Variants in CCDC7 observed in about 807,000 individuals in gnomAD.
CCDC7 encodes coiled-coil domain containing 7, also known as coiled-coil domain-containing protein 7.
A neutral mutation model predicts 196.9 loss-of-function variants in CCDC7; 183 were observed. That is an observed-to-expected ratio of 0.93 (90% confidence interval 0.82 to 1.05). CCDC7 has a LOEUF of 1.05. Ranked by LOEUF, CCDC7 falls within the 50% of genes least tolerant of loss-of-function variation. The probability of loss-of-function intolerance (pLI) is 0.00; values close to 1 mark genes in which losing one functional copy is unlikely to be tolerated. For synonymous variants in CCDC7, 525 were observed against 484.6 expected, an observed-to-expected ratio of 1.08 and a Z score of -1.10; for missense variants, 1,540 against 1,482.2, an observed-to-expected ratio of 1.04 and a Z score of -0.64.
At chr10:32,461,188 A>C (rs1486692987) in intron 3 of CCDC7, among the ~76,000 whole-genome samples, 1 of 152,172 alleles carries the variant, frequency 6.6e-6, no homozygotes, top group East Asian at 1.9e-4. Flanking sequence ...AGGGAGTTAC[A>C]TACTGATAAA....
intron 25 of CCDC7, among the ~76,000 whole-genome samples, chr10:32,725,171 G>T (rs949339799): frequency 1.3e-4 from 20 of 152,000 alleles, no homozygotes; most frequent in Non-Finnish European, 2.6e-4. Flanking sequence ...GCTTGTTCTT[G>T]ATTTCCTTCA....
At chr10:32,657,174 C>T (rs934189638) in intron 20 of CCDC7, among the ~76,000 whole-genome samples, 3 of 152,214 alleles carry the variant, frequency 2.0e-5, no homozygotes, top group African/African-American at 7.2e-5. Flanking sequence ...TCCAGCTTTT[C>T]CAGGCACATG....
At chr10:32,678,475 C>G (rs2140970896) in intron 21 of CCDC7, among the ~76,000 whole-genome samples, 1 of 152,234 alleles carries the variant, frequency 6.6e-6, no homozygotes, top group South Asian at 2.1e-4. Flanking sequence ...AGTGTTGGCT[C>G]TCAGGGTTTG....
At chr10:32,605,937 T>C (rs2061517684) in intron 18 of CCDC7, among the ~76,000 whole-genome samples, 1 of 152,188 alleles carries the variant, frequency 6.6e-6, no homozygotes, top group Admixed American at 6.5e-5. Flanking sequence ...AGCCAGGTGC[T>C]CATAGCCAAG....
At chr10:32,443,912 G>C (rs985131707), upstream of CCDC7, among the ~76,000 whole-genome samples, 1 of 152,002 alleles carries the variant, frequency 6.6e-6, no homozygotes, top group Non-Finnish European at 1.5e-5. Flanking sequence ...TGACATTTTA[G>C]CAATATTGGG....
At chr10:32,772,300 G>C (rs1240066346) in intron 28 of CCDC7, among the ~76,000 whole-genome samples, 4 of 152,160 alleles carry the variant, frequency 2.6e-5, no homozygotes, top group Non-Finnish European at 5.9e-5. Flanking sequence ...CCACTCATTT[G>C]GTGAGGCAGA....
chr10:32,507,133 C>A (rs778806198), intron 9 of CCDC7, among the ~76,000 whole-genome samples: 4 of 151,932 alleles, frequency 2.6e-5, no homozygotes, highest in Non-Finnish European at 5.9e-5. Context: ...GCTGGGACTA[C>A]AAGTGCGCGC....
chr10:32,817,226 A>G (rs904284300), intron 31 of CCDC7, among the ~76,000 whole-genome samples: 7 of 152,178 alleles, frequency 4.6e-5, no homozygotes, highest in Non-Finnish European at 8.8e-5. Context: ...CAACTGGAAG[A>G]GGGGGTATCA....
At chr10:32,537,048 C>A (rs2050625105) in intron 11 of CCDC7, among the ~76,000 whole-genome samples, 1 of 152,034 alleles carries the variant, frequency 6.6e-6, no homozygotes, top group African/African-American at 2.4e-5. Context: ...AATAGTTATT[C>A]TTTTTTAAGT....
chr10:32,876,026 T>C (rs529078244), intron 41 of CCDC7, among the ~76,000 whole-genome samples: 1 of 152,094 alleles, frequency 6.6e-6, no homozygotes, highest in South Asian at 2.1e-4. Context: ...GAAATGCAGT[T>C]TCTTAGGCCG....
intron 13 of CCDC7, among the ~76,000 whole-genome samples, chr10:32,561,309 A>G (rs184305927): frequency 1.2e-4 from 18 of 152,330 alleles, no homozygotes; most frequent in Non-Finnish European, 2.2e-4. Flanking sequence ...CCTAATAGAC[A>G]TCTACAGAAC....
intron 11 of CCDC7, among the ~76,000 whole-genome samples, chr10:32,537,190 C>T (rs1461400830): frequency 6.6e-6 from 1 of 152,124 alleles, no homozygotes; most frequent in Non-Finnish European, 1.5e-5. Flanking sequence ...TAATAATTGG[C>T]ATTCTGACTG....
intron 28 of CCDC7, among the ~76,000 whole-genome samples, chr10:32,747,804 T>C (rs540679014): frequency 1.2e-4 from 19 of 152,276 alleles, no homozygotes; most frequent in South Asian, 2.1e-4. Flanking sequence ...AGTTTAGAGA[T>C]TGGTTCTCAA....
chr10:32,561,879 A>T (rs1177855533), intron 13 of CCDC7, among the ~76,000 whole-genome samples: 1 of 152,208 alleles, frequency 6.6e-6, no homozygotes, highest in Non-Finnish European at 1.5e-5. Flanking sequence ...TTTTGAAAGG[A>T]TCAACAAAAT....
intron 41 of CCDC7, among the ~76,000 whole-genome samples, chr10:32,860,342 G>T (rs1593539183): frequency 6.6e-6 from 1 of 152,088 alleles, no homozygotes; most frequent in East Asian, 1.9e-4. Flanking sequence ...ATGCCGAAAA[G>T]GCCTTTGACA....
At chr10:32,582,255 T>C (rs2058825369) in intron 16 of CCDC7, among the ~76,000 whole-genome samples, 1 of 151,452 alleles carries the variant, frequency 6.6e-6, no homozygotes, top group South Asian at 2.1e-4. Flanking sequence ...GTAGGTACAT[T>C]GAAAAATTTT....
intron 8 of CCDC7, among the ~76,000 whole-genome samples, chr10:32,488,105 G>C (rs1420880108): frequency 6.6e-6 from 1 of 152,216 alleles, no homozygotes; most frequent in Non-Finnish European, 1.5e-5. Flanking sequence ...GAGGCAGACA[G>C]GCCTCCTTGA....
exon 22 of CCDC7, chr10:32,686,073 A>T (rs1374100770): frequency 1.4e-6 from 2 of 1,405,114 alleles, no homozygotes; most frequent in Non-Finnish European, 2.0e-6. Context: ...CAGAGCAACC[A>T]CTCACCAGTA....
intron 20 of CCDC7, among the ~76,000 whole-genome samples, chr10:32,651,635 A>G (rs2068779180): frequency 6.6e-6 from 1 of 152,030 alleles, no homozygotes; most frequent in Admixed American, 6.5e-5. Flanking sequence ...AGGGTGAGAG[A>G]GCTTATCACA....
Sources: allele counts gnomAD v4.1 joint callset (sites outside exome capture counted in the v4.1 genomes callset), GRCh38; gene constraint gnomAD v4.1.1; transcripts MANE v1.5; gene names NCBI Gene and HGNC (gene_info 2026-07-23, HGNC 2026-07-21).